SARM1: variants seen among roughly 807,000 people sequenced by gnomAD.
The protein encoded by SARM1 is sterile alpha and TIR motif containing 1, also known as NAD(+) hydrolase SARM1.
A neutral mutation model predicts 65.1 loss-of-function variants in SARM1; 60 were observed. The observed-to-expected ratio is 0.92, with a 90% confidence interval of 0.75 to 1.14. SARM1 has a LOEUF of 1.14. Ranked by LOEUF, SARM1 falls within the 50% of genes most tolerant of loss-of-function variation. SARM1 has a pLI of 0.00. For missense variants in SARM1, 913 were observed against 1,015.7 expected (o/e 0.90, Z 1.37); for synonymous variants, 417 against 465.4 (o/e 0.90, Z 1.34).
intron 2 of SARM1, among the ~76,000 whole-genome samples, chr17:28,382,364 T>C (rs1294852155): frequency 2.0e-5 from 3 of 152,130 alleles, no homozygotes; most frequent in East Asian, 1.9e-4. Context: ...GCAGGACATA[T>C]GGAGTTTGAG....
intron 7 of SARM1, among the ~76,000 whole-genome samples, chr17:28,393,462 G>A (rs1415017375): frequency 6.6e-6 from 1 of 151,908 alleles, no homozygotes; most frequent in Non-Finnish European, 1.5e-5. Flanking sequence ...GAGGTGGGAG[G>A]ATGGCTTGAG....
At chr17:28,377,663 C>T (rs1200024924) in intron 1 of SARM1, among the ~76,000 whole-genome samples, 3 of 152,128 alleles carry the variant, frequency 2.0e-5, no homozygotes, top group South Asian at 2.1e-4. Context: ...GCTGGCTAGG[C>T]CTCTACCTCT....
chr17:28,387,846 G>C (rs2068059765), intron 5 of SARM1, among the ~76,000 whole-genome samples: 1 of 152,192 alleles, frequency 6.6e-6, no homozygotes, highest in African/African-American at 2.4e-5. Flanking sequence ...AGGGAAGAAG[G>C]AATGAGGGGG....
At position 28,384,446 on chromosome 17, in the gene SARM1, G is replaced by C. The variant is rs782404966; in HGVS notation, c.1179G>C (p.Ala393=). Residue 393 remains alanine (A), a synonymous_variant, in exon 3 of 9, where the codon GCG becomes GCC. Transcript: ENST00000585482. This position sits in a 1 kb window ranked among gnomAD's most constrained non-coding sequence, Gnocchi z 4.4. ...NGTKSALAKR[A]LRLLGEEVPR... ...CTAAGTCGGCGCTGGCCAAGCGCGC[G>C]CTGCGCCTGCTGGGCGAGGAGGTGC... 5.0e-6 allele frequency: 8 copies of C among 1,613,270 alleles called. 1 individual carries two copies. In the South Asian group the frequency reaches 8.8e-5, roughly 18 times the overall value.
In SARM1 at chr17:28,400,274, A is replaced by G; in HGVS notation, c.*3988A>G. On this transcript the variant is annotated 3_prime_UTR_variant, in exon 9 of 9. Transcript: ENST00000585482. Reference sequence around the variant, plus strand: ...TGTGGCCCAGCCACAACTAGCTGACAAAGCTTCCTGGCCTTCCCTTTAACA... The same window carrying G: ...TGTGGCCCAGCCACAACTAGCTGACGAAGCTTCCTGGCCTTCCCTTTAACA... The G allele has an allele frequency of 3.3e-6, 1 of 305,076 alleles. No individual in the cohort carries two copies. The highest frequency in any genetic ancestry group is 6.2e-6 in the Non-Finnish European group (1 of 160,710). 18.9% of individuals were successfully genotyped at this position (305,076 alleles called of 1,614,324 possible).
chr17:28,376,334 G>A (rs1346006213), intron 1 of SARM1, among the ~76,000 whole-genome samples: 2 of 140,616 alleles, frequency 1.4e-5, no homozygotes, highest in African/African-American at 5.4e-5. Context: ...CAAGGCAGGC[G>A]AATCGTTTGA....
At position 28,399,617 on chromosome 17, in the gene SARM1, C is replaced by CT; in HGVS notation, c.*3334dup. The CT allele has an allele frequency of 6.2e-6, 10 of 1,611,704 alleles. No individual in the cohort carries two copies. The highest frequency in any genetic ancestry group is 8.5e-6 in the Non-Finnish European group (10 of 1,177,958). On this transcript the variant is annotated 3_prime_UTR_variant, in exon 9 of 9. Transcript: ENST00000585482. ...CAGACCTCCAGTTGCTTGGTGTTCA[C>CT]TTTGCTCCTCTTGCCCTCTGTCTTC...
intron 7 of SARM1, among the ~76,000 whole-genome samples, chr17:28,391,952 T>C (rs1439372774): frequency 1.3e-5 from 2 of 148,454 alleles, no homozygotes; most frequent in South Asian, 2.2e-4. Flanking sequence ...ACTCCTGAGC[T>C]CAAGCCTGGA....
At chr17:28,390,467 C>G (rs1308851450) in intron 7 of SARM1, among the ~76,000 whole-genome samples, 1 of 152,138 alleles carries the variant, frequency 6.6e-6, no homozygotes, top group Non-Finnish European at 1.5e-5. Flanking sequence ...CCACAAGAGA[C>G]AAACTTGTGG....
intron 7 of SARM1, among the ~76,000 whole-genome samples, chr17:28,392,287 T>C (rs543683059): frequency 1.3e-5 from 2 of 151,682 alleles, no homozygotes; most frequent in East Asian, 3.9e-4. Flanking sequence ...AATTTATATA[T>C]ATATATTTTT....
In SARM1 at chr17:28,371,957, CCT is replaced by C. The variant is rs2067956912; in HGVS notation, c.-73_-72del. The C allele has an allele frequency of 8.7e-7, 1 of 1,149,108 alleles. No individual in the cohort carries two copies. Among genetic ancestry groups the C allele is most frequent in the African/African-American group, 1.6e-5 (1 of 61,070 alleles). 71.2% of individuals were successfully genotyped at this position (1,149,108 alleles called of 1,614,324 possible). A position where few individuals can be genotyped will look rare whatever the true frequency, so the allele number is the denominator to read the frequency against. On this transcript the variant is annotated 5_prime_UTR_variant, in exon 1 of 9. Coordinates refer to ENST00000585482, the MANE Select transcript of SARM1 (RefSeq NM_015077.4). Reference sequence around the variant, plus strand: ...TTCTTTCCCCGACCCCTCTCGGGTCCCTCTTTTCCCAAAACCCGGGTCTCTCC... The same window carrying C: ...TTCTTTCCCCGACCCCTCTCGGGTCCCTTTTCCCAAAACCCGGGTCTCTCC...
At position 28,371,904 on chromosome 17, in the gene SARM1, C is replaced by A; in HGVS notation, c.-129C>A. ...TTCTGACCGGCACCCTTGCCTGGTA[C>A]CCTTCTCTCCATTCCTCCCCCTCCA... On this transcript the variant is annotated 5_prime_UTR_variant, in exon 1 of 9. Coordinates refer to ENST00000585482, the MANE Select transcript of SARM1 (RefSeq NM_015077.4). 1 of 627,886 alleles carries A rather than the reference C, an allele frequency of 1.6e-6. No homozygotes were observed. Among genetic ancestry groups the A allele is most frequent in the Non-Finnish European group, 2.5e-6 (1 of 403,972 alleles). 38.9% of individuals were successfully genotyped at this position (627,886 alleles called of 1,614,324 possible). A position where few individuals can be genotyped will look rare whatever the true frequency, so the allele number is the denominator to read the frequency against.
intron 1 of SARM1, among the ~76,000 whole-genome samples, chr17:28,377,795 T>C (rs547588092): frequency 4.6e-5 from 7 of 152,290 alleles, no homozygotes; most frequent in African/African-American, 1.7e-4. Context: ...CCTCCTGGGT[T>C]CAAGTGTTTC....
In SARM1 at chr17:28,381,467, G is replaced by T; in HGVS notation, c.735G>T (p.Met245Ile). ...GGGGCCAGGCGGTGCAGCGACGCAT[G>T]GTAGAGAAGCGCGCAGCCGAGTGGC... Reference protein sequence around the residue: ...LHGGQAVQRRMVEKRAAEWLF... With the variant: ...LHGGQAVQRRIVEKRAAEWLF... The change falls in exon 2 of 9, where the codon ATG (methionine) becomes ATT (isoleucine). Residue 245 changes from methionine (M) to isoleucine (I), a missense_variant. Physicochemically the swap from Met to Ile is conservative, Grantham distance 10 (BLOSUM62 1). This residue lies in a region of SARM1 where 862 missense variants were observed against 952.1 expected (regional missense o/e 0.91). Transcript: ENST00000585482. 1.3e-6 allele frequency: 2 copies of T among 1,552,104 alleles called. No individual in the cohort carries two copies. The highest frequency in any genetic ancestry group is 8.7e-7 in the Non-Finnish European group (1 of 1,148,190).
rs540224411 is a variant in SARM1 at position 28,388,307 on chromosome 17, C to T, written c.1733+31C>T. The T allele has an allele frequency of 1.3e-4, 212 of 1,598,690 alleles. No homozygotes were observed. In the East Asian group the frequency reaches 3.3e-3, roughly 25 times the overall value. ...GAGGGGCGGGCGGGCAGCGACGGGG[C>T]GTGGGGACAAGGCTGTGGCACTGAC... is the stretch of plus-strand genomic sequence containing the variant. On this transcript the variant is annotated intron_variant, in intron 6 of 8. Transcript: ENST00000585482.
rs1414166503 is a variant in SARM1 at position 28,384,173 on chromosome 17, C to T, written c.1090-184C>T. Among the ~76,000 whole-genome samples the T allele has an allele frequency of 6.6e-6, 1 of 152,134 alleles. No individual in the cohort carries two copies. The highest frequency in any genetic ancestry group is 1.5e-5 in the Non-Finnish European group (1 of 68,030). ...CAACCCATCCGAGTCAGGACCTGGTCAAGAATTGAGAGAACTTCAGGAGGG... is the reference window on the plus strand; with the variant it reads ...CAACCCATCCGAGTCAGGACCTGGTTAAGAATTGAGAGAACTTCAGGAGGG... On this transcript the variant is annotated intron_variant, in intron 2 of 8. Transcript: ENST00000585482. This position sits in a 1 kb window ranked among gnomAD's most constrained non-coding sequence, Gnocchi z 4.4.
intron 5 of SARM1, 63 bp from the exon 6 acceptor site, chr17:28,388,111 T>C: frequency 8.2e-7 from 1 of 1,225,558 alleles, no homozygotes; most frequent in Non-Finnish European, 1.2e-6. Context: ...CAAGGGATGA[T>C]ATACCTGACA....
Position 28,384,895 on chromosome 17 carries a change from C to G in SARM1, c.1359C>G (p.Thr453=). ...GGCTCACGGAGGAGGAACTCCAGACCGACCTGGGCATGAAATCGGGCATCA... is the reference window on the plus strand; with the variant it reads ...GGCTCACGGAGGAGGAACTCCAGACGGACCTGGGCATGAAATCGGGCATCA... ...LLRLTEEELQ[T]DLGMKSGITR... is the part of the protein sequence containing the mutation. The change falls in exon 4 of 9, where the codon ACC becomes ACG. Residue 453 remains threonine, a synonymous_variant. Transcript: ENST00000585482. This position sits in a 1 kb window ranked among gnomAD's most constrained non-coding sequence, Gnocchi z 4.4. 6.4e-7 allele frequency: 1 copy of G among 1,562,868 alleles called. No homozygotes were observed. Among genetic ancestry groups the G allele is most frequent in the Non-Finnish European group, 8.7e-7 (1 of 1,153,698 alleles).
intron 1 of SARM1, among the ~76,000 whole-genome samples, chr17:28,377,400 G>A (rs782283725): frequency 1.3e-5 from 2 of 152,222 alleles, no homozygotes; most frequent in East Asian, 3.9e-4. Context: ...GACCAGCCTG[G>A]GCAATATAAT....
Sources: allele counts gnomAD v4.1 joint callset (sites outside exome capture counted in the v4.1 genomes callset), GRCh38; gene constraint gnomAD v4.1.1; regional missense constraint gnomAD v4.1.1; non-coding constraint Gnocchi (gnomAD v3.1); transcripts MANE v1.5; gene names NCBI Gene and HGNC (gene_info 2026-07-23, HGNC 2026-07-21).